The following CASP4 variants were observed in gnomAD, a reference collection of about 807,000 sequenced individuals.
CASP4 encodes the protein caspase-4.
In CASP4, 29 loss-of-function variants were observed where a neutral mutation model predicts 41.3. The observed-to-expected ratio is 0.70, with a 90% CI of 0.52 to 0.96. CASP4 has a LOEUF of 0.96. CASP4 is among the 40% of genes least tolerant of loss of function. The pLI is 0.00. For synonymous variants in CASP4, 185 were observed against 158.4 expected (o/e 1.17, Z -1.26); for missense variants, 447 against 460.6 (o/e 0.97, Z 0.27).
At position 104,948,538 on chromosome 11, in the gene CASP4, G is replaced by A. The variant is rs780450610; in HGVS notation, c.920C>T (p.Thr307Met). The change falls in exon 6 of 9, where the codon ACG (threonine) becomes ATG (methionine). Residue 307 changes from threonine (T) to methionine (M), a missense_variant. Physicochemically the swap from Thr to Met is moderately conservative, Grantham distance 81. Transcript: ENST00000444739. ...EKDFIAFCSSTPHNVSWRDST... is the reference protein window; with the variant it reads ...EKDFIAFCSSMPHNVSWRDST... Reference sequence around the variant, plus strand: ...TGCCACTGAAAGATACATACGTGGCGTTGAAGAGCAGAAAGCAATGAAGTC... The same window carrying A: ...TGCCACTGAAAGATACATACGTGGCATTGAAGAGCAGAAAGCAATGAAGTC... 106 of 1,603,282 alleles carry A rather than the reference G, an allele frequency of 6.6e-5. 1 individual carries two copies. The highest frequency in any genetic ancestry group is 8.9e-5 in the East Asian group (4 of 44,730).
At chr11:104,961,593 C>G (rs757219029) in intron 1 of CASP4, among the ~76,000 whole-genome samples, 1 of 152,126 alleles carries the variant, frequency 6.6e-6, no homozygotes, top group African/African-American at 2.4e-5. Context: ...TTGGTTGGCT[C>G]TAACTAGTAG....
intron 4 of CASP4, among the ~76,000 whole-genome samples, 177 bp from the exon 5 acceptor site, chr11:104,949,954 C>T (rs554020166): frequency 2.0e-4 from 31 of 152,186 alleles, no homozygotes; most frequent in Non-Finnish European, 3.5e-4. Flanking sequence ...TTTATGGGGC[C>T]GTGGATTCCC....
chr11:104,957,843 G>A (rs1000882505), intron 1 of CASP4, among the ~76,000 whole-genome samples: 3 of 151,958 alleles, frequency 2.0e-5, no homozygotes, highest in Admixed American at 2.0e-4. Context: ...GCAATTTTGA[G>A]TAAAGGGAAC....
intron 1 of CASP4, 134 bp downstream of exon 1, chr11:104,968,385 A>G (rs1330102266): frequency 1.4e-5 from 11 of 802,622 alleles, no homozygotes; most frequent in Admixed American, 9.4e-5. Context: ...GATTCAAACT[A>G]CACACAATCA....
intron 8 of CASP4, 34 bp from the exon 9 acceptor site, chr11:104,943,007 G>T (rs1156871351): frequency 2.2e-6 from 1 of 454,012 alleles, no homozygotes; most frequent in African/African-American, 2.0e-5. Context: ...AGGTCAAGAT[G>T]GTTACCCCTT....
At chr11:104,950,895 A>G (rs911838833) in intron 4 of CASP4, 30 bp downstream of exon 4, 4 of 1,601,078 alleles carry the variant, frequency 2.5e-6, no homozygotes, top group South Asian at 2.2e-5. Context: ...TTGAATATGT[A>G]TGTGTTTGTG....
At chr11:104,968,266 C>T (rs926098767) in intron 1 of CASP4, among the ~76,000 whole-genome samples, 1 of 152,182 alleles carries the variant, frequency 6.6e-6, no homozygotes, top group African/African-American at 2.4e-5. Flanking sequence ...GCTTTCTTTA[C>T]CCTCCCTTTG....
chr11:104,967,001 G>A (rs574416130), intron 1 of CASP4, among the ~76,000 whole-genome samples: 6 of 152,174 alleles, frequency 3.9e-5, no homozygotes, highest in Admixed American at 2.6e-4. Context: ...ATTATTTTTT[G>A]TTATTATAAT....
chr11:104,968,532 C>G lies in CASP4; in HGVS notation c.-7G>C. 2 of 1,613,194 alleles carry G rather than the reference C, an allele frequency of 1.2e-6. No homozygotes were observed. Among genetic ancestry groups the G allele is most frequent in the South Asian group, 1.1e-5 (1 of 91,056 alleles). ...AAAAGGACTCACCTGCCATAGGGAA[C>G]AGCCTCTGTCCTTTTTTACAGCGTT... On this transcript the variant is annotated 5_prime_UTR_variant, in exon 1 of 9. Transcript: ENST00000444739.
At chr11:104,944,584 A>G (rs1860407036) in intron 8 of CASP4, 164 bp downstream of exon 8, 1 of 554,038 alleles carries the variant, frequency 1.8e-6, no homozygotes, top group African/African-American at 1.9e-5. Flanking sequence ...GAGGAATCCA[A>G]ATACATGTAA....
chr11:104,959,545 C>T (rs926544848), intron 1 of CASP4, among the ~76,000 whole-genome samples: 2 of 152,168 alleles, frequency 1.3e-5, no homozygotes, highest in African/African-American at 4.8e-5. Flanking sequence ...AAATCATTCT[C>T]AAATTTATGG....
In CASP4 at chr11:104,942,961, T is replaced by C; in HGVS notation, c.*18A>G. The C allele has an allele frequency of 4.4e-6, 2 of 455,586 alleles. No homozygotes were observed. The highest frequency in any genetic ancestry group is 3.1e-5 in the South Asian group (2 of 64,536). The allele number at this position is 455,586 out of a possible 1,614,324, so 28.2% of individuals were successfully genotyped here. A position where few individuals can be genotyped will look rare whatever the true frequency, so the allele number is the denominator to read the frequency against. On this transcript the variant is annotated 3_prime_UTR_variant, in exon 9 of 9. Coordinates refer to ENST00000444739, the MANE Select transcript of CASP4 (RefSeq NM_001225.4). Reference sequence around the variant, plus strand: ...TGAAGTTGATTAAGGAGGGCTGGGCTGCTTGTGGCTTCCTGCAGGGGAGAG... The same window carrying C: ...TGAAGTTGATTAAGGAGGGCTGGGCCGCTTGTGGCTTCCTGCAGGGGAGAG...
chr11:104,954,959 A>G lies in CASP4; in HGVS notation c.50T>C (p.Leu17Pro). 2.5e-6 allele frequency: 4 copies of G among 1,613,682 alleles called. No homozygotes were observed. Among genetic ancestry groups the G allele is most frequent in the Non-Finnish European group, 3.4e-6 (4 of 1,179,742 alleles). ...RKKPLKVLESLGKDFLTGVLD... is the reference protein window; with the variant it reads ...RKKPLKVLESPGKDFLTGVLD... The stretch of plus-strand genomic sequence containing the variant: ...AACACCAGTGAGGAAATCTTTGCCC[A>G]GGGATTCCAACACCTTAAGTGGCTT... The change falls in exon 2 of 9, where the codon CTG (leucine) becomes CCG (proline). Residue 17 changes from leucine (L) to proline (P), a missense_variant. Transcript: ENST00000444739.
chr11:104,945,164 AC>A (rs1475697199), intron 7 of CASP4, among the ~76,000 whole-genome samples: 1 of 152,120 alleles, frequency 6.6e-6, no homozygotes, highest in Non-Finnish European at 1.5e-5. Context: ...ATTCATGAAA[AC>A]CAGATAAGGA....
At chr11:104,947,264 G>T in intron 6 of CASP4, 72 bp from the exon 7 acceptor site, 1 of 940,868 alleles carries the variant, frequency 1.1e-6, no homozygotes, top group Non-Finnish European at 1.6e-6. Context: ...TTTGTTTTGA[G>T]AATGTTTTTA....
At chr11:104,944,640 C>T in intron 8 of CASP4, 108 bp downstream of exon 8, 1 of 690,528 alleles carries the variant, frequency 1.4e-6, no homozygotes, top group South Asian at 1.8e-5. Flanking sequence ...TCAACAAAAA[C>T]ACCAATTTGA....
chr11:104,954,826 C>G lies in CASP4; in HGVS notation c.183G>C (p.Met61Ile), dbSNP rs776317087. 6.2e-7 allele frequency: 1 copy of G among 1,613,792 alleles called. No individual in the cohort carries two copies. Among genetic ancestry groups the G allele is most frequent in the Non-Finnish European group, 8.5e-7 (1 of 1,179,776 alleles). Residue 61 changes from methionine to isoleucine, a missense_variant, in exon 2 of 9, where the codon ATG becomes ATC. Coordinates refer to ENST00000444739, the MANE Select transcript of CASP4 (RefSeq NM_001225.4). ...EDKVRVMADSMQEKQRMAGQM... is the reference protein window; with the variant it reads ...EDKVRVMADSIQEKQRMAGQM... ...GTCCTGCCATACGTTGCTTCTCTTGCATAGAGTCTGCCATGACCCGAACTT... is the reference window on the plus strand; with the variant it reads ...GTCCTGCCATACGTTGCTTCTCTTGGATAGAGTCTGCCATGACCCGAACTT...
intron 1 of CASP4, 102 bp downstream of exon 1, chr11:104,968,417 G>T: frequency 9.8e-7 from 1 of 1,018,678 alleles, no homozygotes; most frequent in Non-Finnish European, 1.6e-6. Context: ...AATTCAACAT[G>T]TGTGCTATCG....
intron 7 of CASP4, 139 bp downstream of exon 7, chr11:104,946,944 T>G: frequency 3.2e-6 from 2 of 624,358 alleles, no homozygotes; most frequent in Non-Finnish European, 5.8e-6. Flanking sequence ...TTAGCCATAT[T>G]TTAAACAACT....
Sources: allele counts gnomAD v4.1 joint callset (sites outside exome capture counted in the v4.1 genomes callset), GRCh38; gene constraint gnomAD v4.1.1; transcripts MANE v1.5; gene names NCBI Gene and HGNC (gene_info 2026-07-23, HGNC 2026-07-21).